Variants in MOSMO observed in about 807,000 individuals in gnomAD.
MOSMO encodes the protein modulator of smoothened protein.
MOSMO carries 5 observed loss-of-function variants against 18.4 expected under a neutral mutation model. The observed-to-expected ratio is 0.27, with a 90% CI of 0.14 to 0.57. The LOEUF (loss-of-function observed/expected upper bound fraction) is 0.57. MOSMO is among the 20% of genes least tolerant of loss of function. The pLI, the probability that MOSMO is intolerant of heterozygous loss-of-function variation, is 0.92. For missense variants in MOSMO, 138 were observed against 211.8 expected, an observed-to-expected ratio of 0.65 and a Z score of 2.16; for synonymous variants, 82 against 82.3, an observed-to-expected ratio of 1.00 and a Z score of 0.02.
chr16:22,025,482 A>G (rs1032939514), intron 1 of MOSMO, among the ~76,000 whole-genome samples: 4 of 152,338 alleles, frequency 2.6e-5, no homozygotes, highest in Admixed American at 2.6e-4. Flanking sequence ...CCTCATATGA[A>G]TAGTACCACT....
At chr16:22,046,029 C>T (rs1215131226) in intron 1 of MOSMO, among the ~76,000 whole-genome samples, 2 of 124,612 alleles carry the variant, frequency 1.6e-5, no homozygotes, top group Non-Finnish European at 3.3e-5. Context: ...TCTCCCCCCT[C>T]CCCCCACCCC....
chr16:22,028,663 C>T (rs1276732382), intron 1 of MOSMO, among the ~76,000 whole-genome samples: 1 of 152,058 alleles, frequency 6.6e-6, no homozygotes, highest in Non-Finnish European at 1.5e-5. Flanking sequence ...TATACTTAGC[C>T]TCTTCTAGGA....
chr16:22,079,114 C>G (rs530650377), intron 2 of MOSMO, among the ~76,000 whole-genome samples: 196 of 152,262 alleles, frequency 1.3e-3, no homozygotes, highest in African/African-American at 4.6e-3. Flanking sequence ...GTTATTCCTT[C>G]TGGAAGGGGT....
rs986082551 is a variant in MOSMO, at chr16:22,082,077, CTT to C, written c.*1199_*1200del. The C allele has an allele frequency of 2.0e-5, 3 of 152,134 alleles. No individual in the cohort carries two copies. Among genetic ancestry groups the C allele is most frequent in the African/African-American group, 7.2e-5 (3 of 41,416 alleles). The allele number at this position is 152,134 out of a possible 1,614,324, so 9.4% of individuals were successfully genotyped here. ...AATGCATTTTATATGTTCAGGCACA[CTT>C]TACATAAATACAAAGTTCGCTAGTA... On this transcript the variant is annotated 3_prime_UTR_variant, in exon 3 of 3. Coordinates refer to ENST00000542527, the MANE Select transcript of MOSMO (RefSeq NM_001164579.2).
chr16:22,036,502 C>G (rs1045577231), intron 1 of MOSMO, among the ~76,000 whole-genome samples: 2 of 152,116 alleles, frequency 1.3e-5, no homozygotes, highest in African/African-American at 4.8e-5. Context: ...GGCTGGAGTG[C>G]AGTGGTCCAA....
chr16:22,015,824 C>A lies in MOSMO; in HGVS notation c.106+7417C>A, dbSNP rs550688868. On this transcript the variant is annotated intron_variant, in intron 1 of 2. Coordinates refer to ENST00000542527, the MANE Select transcript of MOSMO (RefSeq NM_001164579.2). ...TTCAGAATTAAGACTATAAATAAGC[C>A]TAAATGTTTTTGGAGAAGGGGAATT... 2.4e-4 allele frequency among the ~76,000 whole-genome samples: 37 copies of A among 152,054 alleles called. No individual in the cohort carries two copies. The South Asian group carries it at 7.7e-3, about 32-fold the overall frequency.
chr16:22,061,124 T>C (rs1056136564), intron 1 of MOSMO, among the ~76,000 whole-genome samples: 1 of 152,174 alleles, frequency 6.6e-6, no homozygotes, highest in African/African-American at 2.4e-5. Flanking sequence ...AATGTAGATC[T>C]ACCTTGGGAG....
intron 1 of MOSMO, among the ~76,000 whole-genome samples, chr16:22,026,845 G>A (rs995645196): frequency 3.3e-5 from 5 of 152,170 alleles, no homozygotes; most frequent in African/African-American, 9.7e-5. Context: ...ATTCTGCTGA[G>A]TAAAAATGAT....
chr16:22,075,400 A>G lies in MOSMO; in HGVS notation c.107-87A>G, dbSNP rs988409924. On this transcript the variant is annotated intron_variant, in intron 1 of 2. Transcript: ENST00000542527. ...AATGACCCACGAAGAGATAAATGAG[A>G]TTTAAGAACTAAAGGGGTGGTGGTG... is the stretch of plus-strand genomic sequence containing the variant. The G allele has an allele frequency of 4.1e-5, 42 of 1,018,022 alleles. 1 individual carries two copies. The South Asian group carries it at 5.6e-4, about 14-fold the overall frequency. 63.1% of individuals were successfully genotyped at this position (1,018,022 alleles called of 1,614,324 possible). A position where few individuals can be genotyped will look rare whatever the true frequency, so the allele number is the denominator to read the frequency against.
At chr16:22,045,750 T>A (rs1451614575) in intron 1 of MOSMO, among the ~76,000 whole-genome samples, 1 of 152,078 alleles carries the variant, frequency 6.6e-6, no homozygotes, top group Non-Finnish European at 1.5e-5. Context: ...TGGGGAAAAA[T>A]TGCAAGTCTT....
At chr16:22,053,627 AC>A (rs1362598642) in intron 1 of MOSMO, among the ~76,000 whole-genome samples, 1 of 152,004 alleles carries the variant, frequency 6.6e-6, no homozygotes, top group Non-Finnish European at 1.5e-5. Flanking sequence ...ACATGGTGAA[AC>A]CCTTTCTCTA....
rs750916140 is a variant in MOSMO, at chr16:22,064,812, C to T, written c.107-10675C>T. Among the ~76,000 whole-genome samples the T allele has an allele frequency of 2.6e-5, 4 of 152,084 alleles. 1 individual carries two copies. Among genetic ancestry groups the T allele is most frequent in the Admixed American group, 2.0e-4 (3 of 15,272 alleles). On this transcript the variant is annotated intron_variant, in intron 1 of 2. Transcript: ENST00000542527. ...GACAGAGTAAAAATACAAAGGTTCT[C>T]ACCCCCTCTCCCCACGTCACCTCCA...
chr16:22,022,942 G>T (rs887288030), intron 1 of MOSMO, among the ~76,000 whole-genome samples: 1 of 152,062 alleles, frequency 6.6e-6, no homozygotes, highest in Non-Finnish European at 1.5e-5. Context: ...AGCCCAAATG[G>T]ACTAAGACAG....
intron 1 of MOSMO, among the ~76,000 whole-genome samples, chr16:22,049,188 A>G (rs1900375150): frequency 6.6e-6 from 1 of 151,952 alleles, no homozygotes; most frequent in Non-Finnish European, 1.5e-5. Flanking sequence ...AAAATATAGA[A>G]GTTTTCTTGG....
At chr16:22,054,378 G>A (rs975274423) in intron 1 of MOSMO, among the ~76,000 whole-genome samples, 4 of 152,156 alleles carry the variant, frequency 2.6e-5, no homozygotes, top group African/African-American at 7.2e-5. Flanking sequence ...ATACAGGCAT[G>A]AGCCACCACA....
chr16:22,009,116 G>T (rs185451068), intron 1 of MOSMO, among the ~76,000 whole-genome samples: 31 of 152,300 alleles, frequency 2.0e-4, no homozygotes, highest in African/African-American at 7.2e-4. Context: ...TGAGAAGCTT[G>T]TGGCTTCGGA....
At chr16:22,050,656 G>T (rs1275117454) in intron 1 of MOSMO, among the ~76,000 whole-genome samples, 1 of 152,162 alleles carries the variant, frequency 6.6e-6, no homozygotes, top group Non-Finnish European at 1.5e-5. Context: ...TTGGGAGGCT[G>T]AGGCAGGAGG....
chr16:22,075,825 C>T (rs533652795), intron 2 of MOSMO, 126 bp downstream of exon 2: 96 of 685,992 alleles, frequency 1.4e-4, no homozygotes, highest in Non-Finnish European at 2.1e-4. Context: ...TGTGTATGGC[C>T]GTGAGATAGA....
chr16:22,058,082 A>T (rs1276136870), intron 1 of MOSMO, among the ~76,000 whole-genome samples: 1 of 152,184 alleles, frequency 6.6e-6, no homozygotes, highest in Non-Finnish European at 1.5e-5. Context: ...CAGTGATGGA[A>T]GCCATTAAAA....
Sources: allele counts gnomAD v4.1 joint callset (sites outside exome capture counted in the v4.1 genomes callset), GRCh38; gene constraint gnomAD v4.1.1; transcripts MANE v1.5; gene names NCBI Gene and HGNC (gene_info 2026-07-23, HGNC 2026-07-21).